Variants in AIG1 observed in about 807,000 individuals in gnomAD.
The protein encoded by AIG1 is androgen-induced gene 1 protein.
Under a neutral mutation model 31.4 loss-of-function variants are expected in AIG1, and 23 were observed. The observed-to-expected ratio is 0.73, with a 90% CI of 0.53 to 1.04. The LOEUF is 1.04. Among genes scored for constraint, AIG1 ranks in the 50% least tolerant of loss-of-function variants. The pLI is 0.00. For synonymous variants in AIG1, 100 were observed against 110.5 expected (o/e 0.90, Z 0.60); for missense variants, 274 against 295.0 (o/e 0.93, Z 0.52).
chr6:143,060,134 G>C (rs191534761), upstream of AIG1, among the ~76,000 whole-genome samples: 79 of 152,218 alleles, frequency 5.2e-4, no homozygotes, highest in Non-Finnish European at 8.5e-4. Context: ...TAAACCTCTT[G>C]TCCAAAGTTC....
At position 143,190,080 on chromosome 6, in the gene AIG1, C is replaced by G. The variant is rs74948370; in HGVS notation, c.399+24897C>G. On this transcript the variant is annotated intron_variant, in intron 3 of 5. Transcript: ENST00000357847. Reference sequence around the variant, plus strand: ...ATCCCATTCATTGAGGATTCCACCCCAGTGACCTAATCACTTCCCAAAGGG... The same window carrying G: ...ATCCCATTCATTGAGGATTCCACCCGAGTGACCTAATCACTTCCCAAAGGG... 3,033 of 708,608 alleles carry G rather than the reference C, an allele frequency of 4.3e-3. 85 individuals carry two copies. The African/African-American group carries it at 0.053, about 12-fold the overall frequency. 43.9% of individuals were successfully genotyped at this position (708,608 alleles called of 1,614,324 possible). A position where few individuals can be genotyped will look rare whatever the true frequency, so the allele number is the denominator to read the frequency against.
intron 3 of AIG1, among the ~76,000 whole-genome samples, chr6:143,260,417 T>A (rs1795682779): frequency 6.6e-6 from 1 of 152,252 alleles, no homozygotes; most frequent in South Asian, 2.1e-4. Context: ...AATTGGAATT[T>A]GAATCTATTC....
At chr6:143,267,617 A>G (rs1427511567) in intron 3 of AIG1, among the ~76,000 whole-genome samples, 2 of 152,136 alleles carry the variant, frequency 1.3e-5, no homozygotes, top group East Asian at 1.9e-4. Context: ...CAAGGCTCCA[A>G]GTTAGCCCTG....
intron 1 of AIG1, among the ~76,000 whole-genome samples, chr6:143,111,283 T>G (rs941165893): frequency 6.6e-6 from 1 of 152,204 alleles, no homozygotes; most frequent in African/African-American, 2.4e-5. Flanking sequence ...AAAACTGTTT[T>G]CATCCTTAAG....
At chr6:143,276,523 T>TA (rs1209097911) in intron 3 of AIG1, among the ~76,000 whole-genome samples, 1 of 152,130 alleles carries the variant, frequency 6.6e-6, no homozygotes, top group Non-Finnish European at 1.5e-5. Flanking sequence ...AAGGCACAGT[T>TA]AAAAAATGCC....
rs1797591375 is a variant in AIG1, at chr6:143,284,997, T to C, written c.515+772T>C. Reference sequence around the variant, plus strand: ...AGGAGGTCCCTCCTGCCAGCATTTCTGCCTCTTGGGACTCTTTTGTCCTGA... The same window carrying C: ...AGGAGGTCCCTCCTGCCAGCATTTCCGCCTCTTGGGACTCTTTTGTCCTGA... On this transcript the variant is annotated intron_variant, in intron 4 of 5. Coordinates refer to ENST00000357847, the MANE Select transcript of AIG1 (RefSeq NM_016108.4). This position sits in a 1 kb window ranked among gnomAD's most constrained non-coding sequence, Gnocchi z 4.4. Among the ~76,000 whole-genome samples the C allele has an allele frequency of 6.6e-6, 1 of 152,128 alleles. No homozygotes were observed. Among genetic ancestry groups the C allele is most frequent in the Non-Finnish European group, 1.5e-5 (1 of 68,026 alleles).
chr6:143,318,206 G>A (rs1378045596), intron 4 of AIG1, among the ~76,000 whole-genome samples: 1 of 152,000 alleles, frequency 6.6e-6, no homozygotes, highest in Non-Finnish European at 1.5e-5. Flanking sequence ...CAAATCTGGA[G>A]GCATCACATT....
At chr6:143,202,143 C>G (rs1434164315) in intron 3 of AIG1, among the ~76,000 whole-genome samples, 1 of 152,192 alleles carries the variant, frequency 6.6e-6, no homozygotes, top group East Asian at 1.9e-4. Flanking sequence ...TGGATTTCTT[C>G]TTCCTCTCAT....
chr6:143,208,199 A>G (rs867836299), intron 3 of AIG1, among the ~76,000 whole-genome samples: 3 of 152,208 alleles, frequency 2.0e-5, no homozygotes, highest in Non-Finnish European at 4.4e-5. Flanking sequence ...AACACTGCCC[A>G]TGTCCTATTG....
intron 2 of AIG1, among the ~76,000 whole-genome samples, chr6:143,150,510 C>T (rs917760028): frequency 6.6e-6 from 1 of 152,130 alleles, no homozygotes; most frequent in African/African-American, 2.4e-5. Flanking sequence ...GCCACTCATC[C>T]CTACAGATTG....
chr6:143,182,453 A>G (rs1788819409), intron 3 of AIG1, among the ~76,000 whole-genome samples: 1 of 152,158 alleles, frequency 6.6e-6, no homozygotes, highest in Admixed American at 6.5e-5. Context: ...TGAGCACCCC[A>G]GGTACACTTC....
chr6:143,334,091 G>T lies in AIG1; in HGVS notation c.679+646G>T. 2 of 1,550,342 alleles carry T rather than the reference G, an allele frequency of 1.3e-6. No individual in the cohort carries two copies. Among genetic ancestry groups the T allele is most frequent in the Non-Finnish European group, 1.7e-6 (2 of 1,146,892 alleles). ...CATTTATGGCAGAGCCTCCATCTTG[G>T]CAAGGCACGTAATCTTATCCAAGCT... On this transcript the variant is annotated intron_variant, in intron 5 of 5. Transcript: ENST00000357847. The surrounding 1 kb of genome is among the most constrained non-coding windows in gnomAD (Gnocchi z 5.1).
intron 1 of AIG1, among the ~76,000 whole-genome samples, chr6:143,113,602 C>CA (rs200708219): frequency 0.051 from 5,473 of 106,550 alleles, 393 homozygotes; most frequent in East Asian, 0.36. Flanking sequence ...GACTCCATCT[C>CA]AAAAAAAAAA....
At chr6:143,229,924 T>G (rs1474474230) in intron 3 of AIG1, among the ~76,000 whole-genome samples, 1 of 152,112 alleles carries the variant, frequency 6.6e-6, no homozygotes, top group Non-Finnish European at 1.5e-5. Context: ...TACATCAGAT[T>G]CGATGGGACA....
At chr6:143,312,023 A>C (rs748796975) in intron 4 of AIG1, among the ~76,000 whole-genome samples, 6 of 152,092 alleles carry the variant, frequency 3.9e-5, no homozygotes, top group Non-Finnish European at 8.8e-5. Flanking sequence ...GAGCTCTACA[A>C]TGAAAACTAT....
intron 3 of AIG1, among the ~76,000 whole-genome samples, chr6:143,216,107 A>G (rs1299289806): frequency 6.6e-6 from 1 of 151,770 alleles, no homozygotes; most frequent in East Asian, 1.9e-4. Context: ...AACACATCTT[A>G]TTGGTGAGAT....
At chr6:143,080,057 G>A (rs1355749540) in intron 1 of AIG1, among the ~76,000 whole-genome samples, 1 of 151,464 alleles carries the variant, frequency 6.6e-6, no homozygotes, top group Non-Finnish European at 1.5e-5. Flanking sequence ...AAAGGTAGGT[G>A]TGGTCACCTT....
intron 1 of AIG1, among the ~76,000 whole-genome samples, chr6:143,095,901 CTTTTT>C (rs372161832): frequency 2.9e-5 from 3 of 103,696 alleles, no homozygotes; most frequent in Non-Finnish European, 3.7e-5. Flanking sequence ...GCTACTTTAT[CTTTTT>C]TTTTTTTTTT....
rs1352394191 is a variant in AIG1 at position 143,333,277 on chromosome 6, T to G, written c.516-5T>G. The stretch of plus-strand genomic sequence containing the variant: ...GTCCTTGTCTCCTTTCCGATTCTTT[T>G]GCAGGGTGTGCTGGGTGCATCATGT... On this transcript the variant is annotated splice_region_variant and splice_polypyrimidine_tract_variant and intron_variant, in intron 4 of 5. Transcript: ENST00000357847. This position sits in a 1 kb window ranked among gnomAD's most constrained non-coding sequence, Gnocchi z 4.6. The G allele has an allele frequency of 1.2e-6, 2 of 1,602,192 alleles. No homozygotes were observed. Among genetic ancestry groups the G allele is most frequent in the Non-Finnish European group, 1.7e-6 (2 of 1,175,396 alleles).
Sources: allele counts gnomAD v4.1 joint callset (sites outside exome capture counted in the v4.1 genomes callset), GRCh38; gene constraint gnomAD v4.1.1; non-coding constraint Gnocchi (gnomAD v3.1); transcripts MANE v1.5; gene names NCBI Gene and HGNC (gene_info 2026-07-23, HGNC 2026-07-21).